COBLL1: variants seen among roughly 807,000 people sequenced by gnomAD.
The protein encoded by COBLL1 is cordon-bleu WH2 repeat protein like 1, also known as cordon-bleu protein-like 1.
COBLL1 carries 50 observed loss-of-function variants against 94.8 expected under a neutral mutation model. The observed-to-expected ratio is 0.53, with a 90% CI of 0.42 to 0.67. The LOEUF (loss-of-function observed/expected upper bound fraction) is 0.67, where lower values mean the gene tolerates loss of function less well. COBLL1 is among the 30% of genes least tolerant of loss of function. COBLL1 has a pLI of 0.00. For synonymous variants in COBLL1, 448 were observed against 473.8 expected (o/e 0.95, Z 0.71); for missense variants, 1,362 against 1,348.7 (o/e 1.01, Z -0.15).
At chr2:164,799,711 T>A (rs1180514216) in intron 2 of COBLL1, among the ~76,000 whole-genome samples, 1 of 152,184 alleles carries the variant, frequency 6.6e-6, no homozygotes, top group East Asian at 1.9e-4. Flanking sequence ...TAAAGAAAGC[T>A]ACAGTAATCA....
intron 2 of COBLL1, among the ~76,000 whole-genome samples, chr2:164,816,179 T>G (rs981207931): frequency 1.3e-5 from 2 of 151,782 alleles, no homozygotes; most frequent in African/African-American, 4.8e-5. Flanking sequence ...AAGGTGGAAT[T>G]TGGAAGTGGG....
chr2:164,734,779 C>T (rs1216880647), intron 3 of COBLL1, among the ~76,000 whole-genome samples: 2 of 152,076 alleles, frequency 1.3e-5, no homozygotes, highest in African/African-American at 2.4e-5. Context: ...CAACAGGAGA[C>T]CTAAAATGCA....
intron 2 of COBLL1, among the ~76,000 whole-genome samples, chr2:164,824,909 CAAGTTGTCTAT>C (rs1469291239): frequency 6.6e-6 from 1 of 152,134 alleles, no homozygotes; most frequent in Non-Finnish European, 1.5e-5. Flanking sequence ...AGCCAGTCTA[CAAGTTGTCTAT>C]AAGTTGTCAA....
In COBLL1 at chr2:164,722,122, G is replaced by T. The variant is rs775742088; in HGVS notation, c.949C>A (p.Pro317Thr). ...PQDLAHIQER[P>T]ASCIVKSMSV... ...ATGGATTTCACTATACAAGAAGCAG[G>T]CCTCTCCTGGATGTGTGCAAGGTCT... Residue 317 changes from proline (P) to threonine (T), a missense_variant, in exon 7 of 14, where the codon CCT becomes ACT. Pro to Thr is a conservative substitution (Grantham distance 38). Transcript: ENST00000652658. The T allele has an allele frequency of 1.7e-5, 28 of 1,613,420 alleles. No homozygotes were observed. In the South Asian group the frequency reaches 2.6e-4, roughly 15 times the overall value.
intron 13 of COBLL1, among the ~76,000 whole-genome samples, chr2:164,691,411 T>G (rs914210027): frequency 2.6e-5 from 4 of 152,140 alleles, no homozygotes; most frequent in African/African-American, 9.7e-5. Flanking sequence ...ATGAAATGCC[T>G]CGGGAGTTAA....
At chr2:164,699,792 C>A (rs1684156661) in intron 10 of COBLL1, among the ~76,000 whole-genome samples, 1 of 151,928 alleles carries the variant, frequency 6.6e-6, no homozygotes, top group Non-Finnish European at 1.5e-5. Context: ...TTGCTATTAT[C>A]ATTTATTTGC....
intron 7 of COBLL1, among the ~76,000 whole-genome samples, chr2:164,718,593 G>A (rs193017848): frequency 2.0e-5 from 3 of 152,220 alleles, no homozygotes; most frequent in Admixed American, 6.5e-5. Context: ...ACTTGGTGGG[G>A]GATAGGGAAG....
At chr2:164,822,726 ATTATATTATATTATTAT>A (rs1219879815) in intron 2 of COBLL1, among the ~76,000 whole-genome samples, 3 of 74,556 alleles carry the variant, frequency 4.0e-5, no homozygotes, top group African/African-American at 1.8e-4. Context: ...CTCTGAAAAG[ATTATATTATATTATTAT>A]TATTATTATT....
intron 2 of COBLL1, among the ~76,000 whole-genome samples, chr2:164,761,042 A>C (rs1351772045): frequency 2.0e-5 from 3 of 152,176 alleles, no homozygotes; most frequent in Non-Finnish European, 2.9e-5. Flanking sequence ...TCATTCCCAG[A>C]TTATATAACT....
intron 5 of COBLL1, chr2:164,724,260 T>C (rs1374711067): frequency 6.6e-6 from 1 of 151,962 alleles, no homozygotes; most frequent in African/African-American, 2.4e-5. Flanking sequence ...CAGAAAAAAA[T>C]AACTCGTTGT....
At chr2:164,785,968 TTTGA>T (rs1688937381) in intron 2 of COBLL1, among the ~76,000 whole-genome samples, 1 of 151,968 alleles carries the variant, frequency 6.6e-6, no homozygotes, top group Non-Finnish European at 1.5e-5. Flanking sequence ...AGGCAGCTAA[TTTGA>T]TTAAGGAATT....
At chr2:164,798,157 T>C (rs1296295820) in intron 2 of COBLL1, among the ~76,000 whole-genome samples, 1 of 152,214 alleles carries the variant, frequency 6.6e-6, no homozygotes, top group Non-Finnish European at 1.5e-5. Context: ...TAAATCAGCT[T>C]TTAAAGCAGT....
intron 2 of COBLL1, among the ~76,000 whole-genome samples, chr2:164,836,026 CAAATATA>C (rs1406597492): frequency 6.6e-6 from 1 of 151,994 alleles, no homozygotes; most frequent in East Asian, 1.9e-4. Flanking sequence ...CGTTTCAGTA[CAAATATA>C]AGGTCATAAT....
In COBLL1 at chr2:164,682,117, G is replaced by C. The variant is rs918335386; in HGVS notation, c.*3829C>G. 6.6e-6 allele frequency: 1 copy of C among 152,198 alleles called. No homozygotes were observed. The highest frequency in any genetic ancestry group is 2.4e-5 in the African/African-American group (1 of 41,440). 9.4% of individuals were successfully genotyped at this position (152,198 alleles called of 1,614,324 possible). ...AATTAGTAATTGGATGTGGGACTCT[G>C]AGACTCCTCTGCTTCTGTGACCTTT... On this transcript the variant is annotated 3_prime_UTR_variant, in exon 14 of 14. Transcript: ENST00000652658.
At chr2:164,703,391 A>C (rs571723588) in intron 9 of COBLL1, among the ~76,000 whole-genome samples, 1 of 152,236 alleles carries the variant, frequency 6.6e-6, no homozygotes, top group Admixed American at 6.5e-5. Context: ...GATATGAAGC[A>C]AAGTTTGAAT....
chr2:164,775,240 A>G (rs1396925563), intron 2 of COBLL1, among the ~76,000 whole-genome samples: 1 of 151,752 alleles, frequency 6.6e-6, no homozygotes, highest in Non-Finnish European at 1.5e-5. Context: ...ACCACCCCCA[A>G]CCCCACCCAC....
rs1684215038 is a variant in COBLL1, at chr2:164,700,841, A to G, written c.1226-85T>C. 3 of 798,112 alleles carry G rather than the reference A, an allele frequency of 3.8e-6. No homozygotes were observed. The South Asian group carries it at 5.0e-5, about 13-fold the overall frequency. The allele number at this position is 798,112 out of a possible 1,614,324, so 49.4% of individuals were successfully genotyped here. ...TCTGGCAAGGAAGGAATTTTGAAAA[A>G]TAATAATTAGCTGGACTCTTTTAAA... On this transcript the variant is annotated intron_variant, in intron 9 of 13. Transcript: ENST00000652658.
chr2:164,774,819 T>C (rs1213444973), intron 2 of COBLL1, among the ~76,000 whole-genome samples: 9 of 150,648 alleles, frequency 6.0e-5, no homozygotes, highest in Non-Finnish European at 1.3e-4. Context: ...TACTGGAAAC[T>C]GGAAATTTGC....
At chr2:164,713,374 T>A (rs1010649627) in intron 7 of COBLL1, among the ~76,000 whole-genome samples, 1 of 152,156 alleles carries the variant, frequency 6.6e-6, no homozygotes, top group Non-Finnish European at 1.5e-5. Context: ...CTCTTACATC[T>A]ACACTAGGCC....
Sources: gnomAD v4.1 joint callset for allele counts (sites outside exome capture counted in the v4.1 genomes callset) on GRCh38, gnomAD v4.1.1 for gene constraint, MANE v1.5 for transcripts, NCBI Gene and HGNC (gene_info 2026-07-23, HGNC 2026-07-21) for gene names.